The following KATNAL2 variants were observed in gnomAD, a reference collection of about 807,000 sequenced individuals.
KATNAL2 encodes the protein katanin p60 ATPase-containing subunit A-like 2.
Under a neutral mutation model 76.3 loss-of-function variants are expected in KATNAL2, and 52 were observed. That is an observed-to-expected ratio of 0.68 (90% CI 0.55 to 0.86). The LOEUF (loss-of-function observed/expected upper bound fraction) is 0.86. KATNAL2 is among the 40% of genes least tolerant of loss of function. KATNAL2 has a pLI of 0.00. For synonymous variants in KATNAL2, 243 were observed against 244.2 expected, an observed-to-expected ratio of 1.00 and a Z score of 0.05; for missense variants, 660 against 668.9, an observed-to-expected ratio of 0.99 and a Z score of 0.15.
Position 46,955,503 on chromosome 18 carries a change from C to T in KATNAL2, c.51+8580C>T, listed in dbSNP as rs1021478905. 5.3e-5 allele frequency among the ~76,000 whole-genome samples: 8 copies of T among 151,790 alleles called. 1 individual carries two copies. The Middle Eastern group carries it at 0.017, about 325-fold the overall frequency. ...CCTCCCAAAGTGCTGGAATTACAGG[C>T]GTTCTACCGCGCCTGACGCTTCCTT... On this transcript the variant is annotated intron_variant, in intron 3 of 17. Coordinates refer to ENST00000683218, the MANE Select transcript of KATNAL2 (RefSeq NM_001387690.1).
At chr18:46,941,063 C>T (rs991329477) in intron 1 of KATNAL2, among the ~76,000 whole-genome samples, 2 of 152,144 alleles carry the variant, frequency 1.3e-5, no homozygotes, top group Non-Finnish European at 2.9e-5. Flanking sequence ...TTAAAAAACA[C>T]TCAGAATCCC....
At chr18:46,926,682 G>A (rs2058738124) in intron 1 of KATNAL2, among the ~76,000 whole-genome samples, 2 of 152,094 alleles carry the variant, frequency 1.3e-5, no homozygotes, top group African/African-American at 2.4e-5. Context: ...GTTGACAGTG[G>A]GGTGTGAAAG....
At chr18:47,054,569 C>A in intron 6 of KATNAL2, 131 bp downstream of exon 6, 1 of 848,056 alleles carries the variant, frequency 1.2e-6, no homozygotes, top group Non-Finnish European at 1.9e-6. Flanking sequence ...TGACCTGGCC[C>A]AGCCCAGGAC....
intron 1 of KATNAL2, among the ~76,000 whole-genome samples, chr18:46,919,712 T>C (rs948996181): frequency 2.0e-5 from 3 of 152,224 alleles, no homozygotes; most frequent in Non-Finnish European, 4.4e-5. Context: ...TAGACTATAA[T>C]GGCTGATAAA....
At chr18:47,043,775 G>A (rs187011634) in intron 3 of KATNAL2, among the ~76,000 whole-genome samples, 2 of 151,464 alleles carry the variant, frequency 1.3e-5, no homozygotes, top group African/African-American at 4.9e-5. Context: ...TTAACAATAC[G>A]TATGTTGAAA....
intron 3 of KATNAL2, among the ~76,000 whole-genome samples, chr18:46,962,356 CA>C (rs2060008357): frequency 9.6e-6 from 1 of 104,120 alleles, no homozygotes; most frequent in African/African-American, 4.5e-5. Context: ...TCGGAGTTAT[CA>C]GTGTCAACTG....
intron 15 of KATNAL2, among the ~76,000 whole-genome samples, chr18:47,085,971 T>C (rs920986435): frequency 1.3e-5 from 2 of 151,966 alleles, no homozygotes; most frequent in Non-Finnish European, 2.9e-5. Context: ...TGTGTGCCTA[T>C]AGTCCCAGCC....
intron 3 of KATNAL2, chr18:47,034,253 C>A: frequency 6.2e-7 from 1 of 1,614,002 alleles, no homozygotes; most frequent in Non-Finnish European, 8.5e-7. Flanking sequence ...GAAAGCTGCT[C>A]TTTCTCCTCG....
chr18:47,035,007 G>T (rs1197256090), intron 3 of KATNAL2: 1 of 1,611,538 alleles, frequency 6.2e-7, no homozygotes, highest in Admixed American at 1.7e-5. Context: ...GGTCCTGTGG[G>T]CCAGGCCGGG....
Position 47,067,030 on chromosome 18 carries a change from C to A in KATNAL2, c.736C>A (p.Leu246Ile), listed in dbSNP as rs746242557. The A allele has an allele frequency of 2.6e-5, 41 of 1,582,124 alleles. No individual in the cohort carries two copies. In the African/African-American group the frequency reaches 2.7e-4, roughly 10 times the overall value. Residue 246 changes from leucine (L) to isoleucine (I), a missense_variant, in exon 11 of 18, where the codon CTC becomes ATC. Physicochemically the swap from Leu to Ile is conservative, Grantham distance 5 (BLOSUM62 2). Transcript: ENST00000683218. ...LAAVVSRDIY[L>I]HNPNIKWNDI... Reference sequence around the variant, plus strand: ...CAAATGTGCATTGCAGGACATTTATCTCCATAATCCAAACATAAAGTGGAA... The same window carrying A: ...CAAATGTGCATTGCAGGACATTTATATCCATAATCCAAACATAAAGTGGAA...
chr18:46,923,985 G>A (rs745731645), intron 1 of KATNAL2, among the ~76,000 whole-genome samples: 6 of 152,010 alleles, frequency 3.9e-5, no homozygotes, highest in African/African-American at 9.6e-5. Flanking sequence ...GCCCTTTGTT[G>A]GATGAGTAGG....
In KATNAL2 at chr18:47,063,013, C is replaced by G. The variant is rs778363021; in HGVS notation, c.591C>G (p.Ile197Met). ...IDFQGLLTDA[I>M]KGATSELALN... ...TCCAAGGGCTGCTCACAGATGCCATCAAGGGAGCAACCAGTGAACTTGCCT... is the reference window on the plus strand; with the variant it reads ...TCCAAGGGCTGCTCACAGATGCCATGAAGGGAGCAACCAGTGAACTTGCCT... Residue 197 changes from isoleucine to methionine, a missense_variant, in exon 9 of 18, where the codon ATC (isoleucine) becomes ATG (methionine). Physicochemically the swap from Ile to Met is conservative, Grantham distance 10. Transcript: ENST00000683218. The G allele has an allele frequency of 1.9e-6, 3 of 1,614,160 alleles. No individual in the cohort carries two copies. The highest frequency in any genetic ancestry group is 2.5e-6 in the Non-Finnish European group (3 of 1,180,028).
intron 3 of KATNAL2, among the ~76,000 whole-genome samples, chr18:47,044,786 A>T (rs1372328967): frequency 6.6e-6 from 1 of 151,144 alleles, no homozygotes; most frequent in African/African-American, 2.4e-5. Context: ...AACAAAAACA[A>T]AAACAGTTTA....
chr18:47,086,212 T>G (rs1027835231), intron 15 of KATNAL2, among the ~76,000 whole-genome samples: 2 of 152,216 alleles, frequency 1.3e-5, no homozygotes, highest in Non-Finnish European at 2.9e-5. Flanking sequence ...AAGTCTAGTG[T>G]TCCATTTGAA....
In KATNAL2 at chr18:47,034,706, C is replaced by G; in HGVS notation, c.52-11751C>G. The stretch of plus-strand genomic sequence containing the variant: ...CTTCCGGGTTGCTTCCCGGGCGCAG[C>G]GGGCTCAGGGCCCTCGGGCATCCGG... On this transcript the variant is annotated intron_variant, in intron 3 of 17. Transcript: ENST00000683218. 1 of 1,612,958 alleles carries G rather than the reference C, an allele frequency of 6.2e-7. No individual in the cohort carries two copies. Among genetic ancestry groups the G allele is most frequent in the African/African-American group, 1.3e-5 (1 of 75,034 alleles).
At chr18:47,044,179 A>T (rs1298035332) in intron 3 of KATNAL2, among the ~76,000 whole-genome samples, 1 of 152,118 alleles carries the variant, frequency 6.6e-6, no homozygotes, top group Non-Finnish European at 1.5e-5. Flanking sequence ...CATAAAATAC[A>T]CTAACACTAA....
At chr18:46,941,845 C>A (rs1329004573) in intron 1 of KATNAL2, among the ~76,000 whole-genome samples, 1 of 152,114 alleles carries the variant, frequency 6.6e-6, no homozygotes, top group Non-Finnish European at 1.5e-5. Context: ...TAATTCTCAG[C>A]AAGGCAAGTT....
At chr18:46,961,651 G>T (rs1942248) in intron 3 of KATNAL2, among the ~76,000 whole-genome samples, 118,299 of 152,162 alleles carry the variant, frequency 0.78, 46,834 homozygotes, top group African/African-American at 0.92. Flanking sequence ...ATGTGCCAAC[G>T]TTGTCACATC....
At chr18:47,066,912 A>G (rs1346801900) in intron 10 of KATNAL2, 109 bp from the exon 11 acceptor site, 1 of 194,122 alleles carries the variant, frequency 5.2e-6, no homozygotes, top group Non-Finnish European at 1.0e-5. Flanking sequence ...AGTTTTTATC[A>G]CCAGCACTTT....
Sources: gnomAD v4.1 joint callset for allele counts (sites outside exome capture counted in the v4.1 genomes callset) on GRCh38, gnomAD v4.1.1 for gene constraint, MANE v1.5 for transcripts, NCBI Gene and HGNC (gene_info 2026-07-23, HGNC 2026-07-21) for gene names.